Variants in GSK3B observed in about 807,000 individuals in gnomAD.
The protein encoded by GSK3B is glycogen synthase kinase 3 beta.
In GSK3B, 15 loss-of-function variants were observed where a neutral mutation model predicts 56.4. The ratio of observed to expected loss-of-function variants is 0.27; its 90% CI spans 0.18 to 0.41. The LOEUF is 0.41. GSK3B is among the 10% of genes least tolerant of loss of function. The pLI is 1.00. For missense variants in GSK3B, 300 were observed against 513.4 expected (o/e 0.58, Z 4.02); for synonymous variants, 181 against 188.9 (o/e 0.96, Z 0.34).
chr3:120,054,809 T>C (rs2058179846), intron 1 of GSK3B, among the ~76,000 whole-genome samples: 1 of 152,204 alleles, frequency 6.6e-6, no homozygotes, highest in Non-Finnish European at 1.5e-5. Context: ...ATTGAACTCA[T>C]CTTGGAAAAC....
At chr3:120,017,143 G>A (rs2057834233) in intron 1 of GSK3B, among the ~76,000 whole-genome samples, 2 of 152,082 alleles carry the variant, frequency 1.3e-5, no homozygotes, top group African/African-American at 2.4e-5. Flanking sequence ...TAAGAAGGAA[G>A]GTTACCAGAT....
chr3:119,854,585 C>T (rs1435719479), intron 9 of GSK3B, among the ~76,000 whole-genome samples: 3 of 152,154 alleles, frequency 2.0e-5, no homozygotes, highest in Admixed American at 6.5e-5. Flanking sequence ...TAATTATTGC[C>T]TCAACTTCAG....
intron 8 of GSK3B, among the ~76,000 whole-genome samples, chr3:119,873,332 CTT>C (rs78747347): frequency 9.0e-5 from 13 of 144,946 alleles, no homozygotes; most frequent in Admixed American, 1.4e-4. Flanking sequence ...TTTCTGTCTA[CTT>C]TTTTTTTTTT....
intron 7 of GSK3B, among the ~76,000 whole-genome samples, chr3:119,891,393 C>T (rs761937963): frequency 1.3e-5 from 2 of 152,018 alleles, no homozygotes; most frequent in African/African-American, 4.8e-5. Flanking sequence ...AACAACTATC[C>T]TATTTCAACC....
chr3:119,905,137 T>C (rs1250322890), intron 7 of GSK3B, among the ~76,000 whole-genome samples: 1 of 151,770 alleles, frequency 6.6e-6, no homozygotes, highest in African/African-American at 2.4e-5. Context: ...CAAAGCTGAA[T>C]GAAAGCAGAA....
At chr3:119,868,688 A>G (rs1464977062) in intron 8 of GSK3B, among the ~76,000 whole-genome samples, 1 of 152,226 alleles carries the variant, frequency 6.6e-6, no homozygotes, top group East Asian at 1.9e-4. Context: ...AACACAGAAC[A>G]AGAGCCATGT....
In GSK3B at chr3:119,887,950, A is replaced by G. The variant is rs550890548; in HGVS notation, c.814-11442T>C. ...AGAAGAAAATAGAGATCTCTCCAAA[A>G]ACTGAAGGAAAAATAAACCCTGGAA... On this transcript the variant is annotated intron_variant, in intron 7 of 10. Coordinates refer to ENST00000264235, the MANE Select transcript of GSK3B (RefSeq NM_001146156.2). 1.4e-4 allele frequency among the ~76,000 whole-genome samples: 22 copies of G among 152,222 alleles called. No homozygotes were observed. The South Asian group carries it at 4.3e-3, about 30-fold the overall frequency.
chr3:119,928,933 A>G (rs2107471825), intron 3 of GSK3B, among the ~76,000 whole-genome samples: 1 of 152,300 alleles, frequency 6.6e-6, no homozygotes, highest in East Asian at 1.9e-4. Context: ...ATTACCTAAC[A>G]CACAATAAAG....
chr3:119,976,486 T>C (rs2107520219), intron 2 of GSK3B, among the ~76,000 whole-genome samples: 1 of 152,232 alleles, frequency 6.6e-6, no homozygotes, highest in Non-Finnish European at 1.5e-5. Context: ...AGATCGTACA[T>C]TGTGTGATTC....
chr3:119,891,182 G>C (rs1467169465), intron 7 of GSK3B, among the ~76,000 whole-genome samples: 1 of 151,654 alleles, frequency 6.6e-6, no homozygotes, highest in Non-Finnish European at 1.5e-5. Context: ...TTTACTTAAG[G>C]AATGTAGCAG....
intron 4 of GSK3B, among the ~76,000 whole-genome samples, chr3:119,917,919 T>G (rs915684362): frequency 6.6e-6 from 1 of 152,104 alleles, no homozygotes; most frequent in Non-Finnish European, 1.5e-5. Context: ...AAAAACAACT[T>G]ATCATGGGCT....
At chr3:119,980,030 G>A (rs2107449377) in intron 2 of GSK3B, among the ~76,000 whole-genome samples, 1 of 152,228 alleles carries the variant, frequency 6.6e-6, no homozygotes, top group South Asian at 2.1e-4. Flanking sequence ...TCTTCTGGTT[G>A]TCTGTGTGGC....
At chr3:119,999,534 CATT>C (rs1263054889) in intron 2 of GSK3B, among the ~76,000 whole-genome samples, 2 of 152,204 alleles carry the variant, frequency 1.3e-5, no homozygotes, top group African/African-American at 2.4e-5. Context: ...CTGCTATCAT[CATT>C]AACTACCAAT....
intron 3 of GSK3B, among the ~76,000 whole-genome samples, chr3:119,924,372 CT>C (rs1237336390): frequency 6.6e-6 from 1 of 152,230 alleles, no homozygotes; most frequent in African/African-American, 2.4e-5. Flanking sequence ...GATAAACAAA[CT>C]TTCACAATCT....
chr3:120,013,700 G>A (rs950516527), intron 1 of GSK3B, among the ~76,000 whole-genome samples: 6 of 152,088 alleles, frequency 3.9e-5, no homozygotes, highest in African/African-American at 1.4e-4. Flanking sequence ...AGAGGGAAAG[G>A]CACTGCCAAT....
intron 9 of GSK3B, 162 bp from the exon 10 acceptor site, chr3:119,843,515 G>A (rs996624685): frequency 2.6e-5 from 8 of 310,098 alleles, no homozygotes; most frequent in Non-Finnish European, 5.1e-5. Context: ...GGCCAAGGTG[G>A]GTGAATCACC....
intron 9 of GSK3B, among the ~76,000 whole-genome samples, chr3:119,851,184 AAT>A (rs1325963829): frequency 6.6e-6 from 1 of 152,244 alleles, no homozygotes; most frequent in African/African-American, 2.4e-5. Context: ...AATGAGTTTA[AAT>A]ATAGATATGA....
chr3:119,856,764 G>T (rs935388105), intron 9 of GSK3B, among the ~76,000 whole-genome samples: 1 of 151,864 alleles, frequency 6.6e-6, no homozygotes, highest in Non-Finnish European at 1.5e-5. Context: ...CAATTCTATT[G>T]ATGTGTCCTA....
chr3:119,889,877 T>C (rs1051560104), intron 7 of GSK3B, among the ~76,000 whole-genome samples: 2 of 152,002 alleles, frequency 1.3e-5, no homozygotes, highest in African/African-American at 4.8e-5. Flanking sequence ...ATAAGAAAGA[T>C]AGAGTGCCTA....
Sources: allele counts gnomAD v4.1 joint callset (sites outside exome capture counted in the v4.1 genomes callset), GRCh38; gene constraint gnomAD v4.1.1; transcripts MANE v1.5; gene names NCBI Gene and HGNC (gene_info 2026-07-23, HGNC 2026-07-21).